CDC16: variants seen among roughly 807,000 people sequenced by gnomAD.
The protein encoded by CDC16 is cell division cycle 16.
Under a neutral mutation model 87.0 loss-of-function variants are expected in CDC16, and 34 were observed. The ratio of observed to expected loss-of-function variants is 0.39; its 90% CI spans 0.30 to 0.52. CDC16 has a LOEUF of 0.52. Among genes scored for constraint, CDC16 ranks in the 20% least tolerant of loss-of-function variants. CDC16 has a pLI of 0.74. For synonymous variants in CDC16, 263 were observed against 260.6 expected, an observed-to-expected ratio of 1.01 and a Z score of -0.09; for missense variants, 653 against 751.9, an observed-to-expected ratio of 0.87 and a Z score of 1.54.
In CDC16 at chr13:114,236,868, A is replaced by C; in HGVS notation, c.173A>C (p.His58Pro). ...YLTAQYHRAA[H>P]ALRSRKLDKL... ...ACAGCACAATATCACAGAGCCGCCC[A>C]TGCACTTCGGTCACGAAAACTGGAC... The change falls in exon 3 of 18, where the codon CAT becomes CCT. Residue 58 changes from histidine (H) to proline (P), a missense_variant. By Grantham distance (77) the His-to-Pro change is moderately conservative. Coordinates refer to ENST00000356221, the MANE Select transcript of CDC16 (RefSeq NM_001078645.3). The C allele has an allele frequency of 6.3e-7, 1 of 1,598,690 alleles. No individual in the cohort carries two copies. The highest frequency in any genetic ancestry group is 1.8e-5 in the Admixed American group (1 of 55,044).
Position 114,239,368 on chromosome 13 carries a change from C to G in CDC16, c.259C>G (p.Gln87Glu). 1.2e-6 allele frequency: 2 copies of G among 1,608,054 alleles called. No individual in the cohort carries two copies. The highest frequency in any genetic ancestry group is 1.7e-6 in the Non-Finnish European group (2 of 1,175,170). ...ARCHYAAKEH[Q>E]QALDVLDMEE... ...CACGTAGTATGCTGCAAAAGAGCAC[C>G]AGCAGGCCCTTGATGTTCTTGACAT... is the stretch of plus-strand genomic sequence containing the variant. The change falls in exon 5 of 18, where the codon CAG becomes GAG. Residue 87 changes from glutamine (Q) to glutamate (E), a missense_variant. Physicochemically the swap from Gln to Glu is conservative, Grantham distance 29 (BLOSUM62 2). Coordinates refer to ENST00000356221, the MANE Select transcript of CDC16 (RefSeq NM_001078645.3).
rs1222432088 is a variant in CDC16 at position 114,240,952 on chromosome 13, ACTC to A, written c.382-1166_382-1164del. ...TGTGAAATTACATTTTTAAAAAACA[ACTC>A]CTAGGATATTGCTTAGTTCGAAGAC... On this transcript the variant is annotated intron_variant, in intron 5 of 17. Transcript: ENST00000356221. 1.1e-4 allele frequency among the ~76,000 whole-genome samples: 17 copies of A among 151,722 alleles called. No individual in the cohort carries two copies. The East Asian group carries it at 1.9e-3, about 17-fold the overall frequency.
At chr13:114,255,531 A>T (rs2082442194) in intron 12 of CDC16, among the ~76,000 whole-genome samples, 1 of 152,170 alleles carries the variant, frequency 6.6e-6, no homozygotes. Context: ...TGACACTCAA[A>T]AAGAATTGCT....
At chr13:114,267,406 C>A (rs1284165681) in intron 17 of CDC16, among the ~76,000 whole-genome samples, 1 of 152,002 alleles carries the variant, frequency 6.6e-6, no homozygotes, top group African/African-American at 2.4e-5. Flanking sequence ...GAGGCTGAGG[C>A]AGGAGAATCA....
chr13:114,270,365 C>T (rs17291585), intron 17 of CDC16, among the ~76,000 whole-genome samples: 129 of 152,238 alleles, frequency 8.5e-4, no homozygotes, highest in Middle Eastern at 3.4e-3. Context: ...GGTACTAAAC[C>T]ATTCAGGAGA....
rs772963205 is a variant in CDC16 at position 114,236,715 on chromosome 13, C to T, written c.103+16C>T. 1.2e-6 allele frequency: 2 copies of T among 1,613,368 alleles called. No homozygotes were observed. Among genetic ancestry groups the T allele is most frequent in the Admixed American group, 3.3e-5 (2 of 59,936 alleles). ...CTCTCTCGTGGTAAGTGACAAAATG[C>T]TAACTGGTTTTCTGATTAATCTTAA... On this transcript the variant is annotated intron_variant, in intron 2 of 17. Coordinates refer to ENST00000356221, the MANE Select transcript of CDC16 (RefSeq NM_001078645.3).
rs1255890864 is a variant in CDC16, at chr13:114,234,930, G to C, written c.-155G>C. 11 of 431,706 alleles carry C rather than the reference G, an allele frequency of 2.5e-5. No homozygotes were observed. Among genetic ancestry groups the C allele is most frequent in the Admixed American group, 9.0e-5 (2 of 22,292 alleles). 26.7% of individuals were successfully genotyped at this position (431,706 alleles called of 1,614,324 possible). On this transcript the variant is annotated 5_prime_UTR_variant, in exon 1 of 18. Coordinates refer to ENST00000356221, the MANE Select transcript of CDC16 (RefSeq NM_001078645.3). ...GGGCCTGGGTGGGGGGTGCGGGTGT[G>C]GGTGGGGACCTGCGGCCTTCGAGTC...
At chr13:114,235,235 G>GCCC in intron 1 of CDC16, 103 bp downstream of exon 1, 1 of 810,184 alleles carries the variant, frequency 1.2e-6, no homozygotes, top group Non-Finnish European at 1.7e-6. Flanking sequence ...GGTGGGGAAG[G>GCCC]ACTGGGCCGG....
chr13:114,260,694 A>G (rs543745006), intron 14 of CDC16, among the ~76,000 whole-genome samples: 7 of 152,334 alleles, frequency 4.6e-5, no homozygotes, highest in African/African-American at 1.7e-4. Flanking sequence ...GCTCATTAAA[A>G]AGTTATACGA....
chr13:114,271,357 ATCTGT>A (rs1179232959), intron 17 of CDC16, among the ~76,000 whole-genome samples: 1 of 152,204 alleles, frequency 6.6e-6, no homozygotes, highest in Non-Finnish European at 1.5e-5. Flanking sequence ...TACCTAATAC[ATCTGT>A]TCAGATCTGT....
chr13:114,252,971 A>G (rs1289727544), intron 12 of CDC16, among the ~76,000 whole-genome samples: 1 of 150,636 alleles, frequency 6.6e-6, no homozygotes, highest in East Asian at 1.9e-4. Flanking sequence ...TTATCTTTAC[A>G]AAAAAAAAAT....
At position 114,262,965 on chromosome 13, in the gene CDC16, T is replaced by A. The variant is rs961227552; in HGVS notation, c.1463T>A (p.Ile488Asn). The A allele has an allele frequency of 6.2e-7, 1 of 1,613,978 alleles. No homozygotes were observed. Among genetic ancestry groups the A allele is most frequent in the Non-Finnish European group, 8.5e-7 (1 of 1,179,804 alleles). ...TCCACCTACTCTGCTATTGGATATA[T>A]CCACAGTCTGATGGGCAACTTTGAA... is the stretch of plus-strand genomic sequence containing the variant. ...NASTYSAIGY[I>N]HSLMGNFENA... The change falls in exon 16 of 18, where the codon ATC becomes AAC. Residue 488 changes from isoleucine to asparagine, a missense_variant. Transcript: ENST00000356221.
intron 17 of CDC16, among the ~76,000 whole-genome samples, chr13:114,270,129 GAA>G (rs1434568667): frequency 6.6e-6 from 1 of 152,180 alleles, no homozygotes; most frequent in East Asian, 1.9e-4. Flanking sequence ...TAATTTATAA[GAA>G]AAGAAATGTA....
At chr13:114,266,430 T>C (rs1008688535) in intron 17 of CDC16, among the ~76,000 whole-genome samples, 2 of 152,252 alleles carry the variant, frequency 1.3e-5, no homozygotes, top group African/African-American at 4.8e-5. Flanking sequence ...CATTGTAAAG[T>C]TGGATAAACT....
intron 1 of CDC16, 105 bp from the exon 2 acceptor site, chr13:114,236,540 G>T (rs2081258618): frequency 2.2e-6 from 2 of 920,542 alleles, no homozygotes; most frequent in African/African-American, 1.8e-5. Flanking sequence ...TTATTACATA[G>T]AATTATATTA....
In CDC16 at chr13:114,272,687, T is replaced by A; in HGVS notation, c.*244T>A. ...GAAGGTAAACCATCTGTTATGTCTT[T>A]TTTTTTCTTTTCCAATAAACTTTTA... On this transcript the variant is annotated 3_prime_UTR_variant, in exon 18 of 18. Coordinates refer to ENST00000356221, the MANE Select transcript of CDC16 (RefSeq NM_001078645.3). The A allele has an allele frequency of 2.8e-6, 1 of 358,778 alleles. No individual in the cohort carries two copies. Among genetic ancestry groups the A allele is most frequent in the Non-Finnish European group, 5.0e-6 (1 of 201,046 alleles). The allele number at this position is 358,778 out of a possible 1,614,324, so 22.2% of individuals were successfully genotyped here. A position where few individuals can be genotyped will look rare whatever the true frequency, so the allele number is the denominator to read the frequency against.
At chr13:114,242,375 C>A in intron 6 of CDC16, 95 bp downstream of exon 6, 1 of 1,121,388 alleles carries the variant, frequency 8.9e-7, no homozygotes, top group Non-Finnish European at 1.3e-6. Flanking sequence ...CAACAGGCCA[C>A]ATACAGGTTT....
chr13:114,240,473 T>A (rs901496921), intron 5 of CDC16, among the ~76,000 whole-genome samples: 3 of 152,106 alleles, frequency 2.0e-5, no homozygotes, highest in Non-Finnish European at 4.4e-5. Flanking sequence ...CCTCCCAAAG[T>A]GCTGGGATTA....
chr13:114,272,699 C>A lies in CDC16; in HGVS notation c.*256C>A. The A allele has an allele frequency of 3.0e-6, 1 of 332,380 alleles. No individual in the cohort carries two copies. The highest frequency in any genetic ancestry group is 5.4e-6 in the Non-Finnish European group (1 of 184,416). The allele number at this position is 332,380 out of a possible 1,614,324, so 20.6% of individuals were successfully genotyped here. The stretch of plus-strand genomic sequence containing the variant: ...TCTGTTATGTCTTTTTTTTTCTTTT[C>A]CAATAAACTTTTATTTTGGACTAAT... On this transcript the variant is annotated 3_prime_UTR_variant, in exon 18 of 18. Coordinates refer to ENST00000356221, the MANE Select transcript of CDC16 (RefSeq NM_001078645.3).
Sources: allele counts gnomAD v4.1 joint callset (sites outside exome capture counted in the v4.1 genomes callset), GRCh38; gene constraint gnomAD v4.1.1; transcripts MANE v1.5; gene names NCBI Gene and HGNC (gene_info 2026-07-23, HGNC 2026-07-21).